Variants in CDH8 observed in about 807,000 individuals in gnomAD.
CDH8 encodes cadherin-8.
CDH8 carries 17 observed loss-of-function variants against 68.1 expected under a neutral mutation model. That is an observed-to-expected ratio of 0.25 (90% CI 0.17 to 0.37). The LOEUF (loss-of-function observed/expected upper bound fraction) is 0.37, where lower values mean the gene tolerates loss of function less well. Among genes scored for constraint, CDH8 ranks in the 10% least tolerant of loss-of-function variants. The probability of loss-of-function intolerance (pLI) is 1.00; values close to 1 mark genes in which losing one functional copy is unlikely to be tolerated. For synonymous variants in CDH8, 372 were observed against 365.1 expected, an observed-to-expected ratio of 1.02 and a Z score of -0.21; for missense variants, 763 against 999.3, an observed-to-expected ratio of 0.76 and a Z score of 3.19.
At chr16:61,801,524 C>T (rs868813299) in intron 7 of CDH8, among the ~76,000 whole-genome samples, 6 of 152,256 alleles carry the variant, frequency 3.9e-5, no homozygotes, top group African/African-American at 1.2e-4. Flanking sequence ...ACGCAGAAGA[C>T]GGGTGATTTC....
chr16:61,929,033 C>T (rs867936140), intron 2 of CDH8, among the ~76,000 whole-genome samples: 3 of 152,050 alleles, frequency 2.0e-5, no homozygotes, highest in Non-Finnish European at 2.9e-5. Context: ...CTCAGCCTCC[C>T]GAGTAGCTGG....
rs565565746 is a variant in CDH8 at position 61,653,870 on chromosome 16, G to A, written c.2138C>T (p.Ala713Val). Residue 713 changes from alanine to valine, a missense_variant, in exon 12 of 12, where the codon GCT becomes GTT. This residue lies in a region of CDH8 where 397 missense variants were observed against 436.2 expected (regional missense o/e 0.91). Coordinates refer to ENST00000577390, the MANE Select transcript of CDH8 (RefSeq NM_001796.5). ...GACATCAACACCATTTGGAACTGGA[G>A]CAAGCCCTTGCCTTGGCATAAACTG... ...DLQFMPRQGL[A>V]PVPNGVDVDE... The A allele has an allele frequency of 1.2e-6, 2 of 1,614,240 alleles. No individual in the cohort carries two copies. The highest frequency in any genetic ancestry group is 1.3e-5 in the African/African-American group (1 of 75,064).
At chr16:61,767,255 T>C (rs1960618401) in intron 8 of CDH8, among the ~76,000 whole-genome samples, 1 of 152,000 alleles carries the variant, frequency 6.6e-6, no homozygotes, top group South Asian at 2.1e-4. Context: ...TCACAGTTTG[T>C]ATCACTAGAA....
intron 10 of CDH8, among the ~76,000 whole-genome samples, chr16:61,660,573 GTCTATACA>G (rs1201359719): frequency 6.6e-6 from 1 of 151,882 alleles, no homozygotes. Context: ...AAAAAAAATA[GTCTATACA>G]TCCAGAAAGC....
At chr16:61,860,044 T>C (rs1446362024) in intron 3 of CDH8, among the ~76,000 whole-genome samples, 1 of 152,170 alleles carries the variant, frequency 6.6e-6, no homozygotes, top group Non-Finnish European at 1.5e-5. Context: ...TTTTTCACCA[T>C]GTTGGCCAGG....
chr16:61,675,594 T>A (rs1389754688), intron 10 of CDH8, among the ~76,000 whole-genome samples: 9 of 126,206 alleles, frequency 7.1e-5, no homozygotes, highest in African/African-American at 2.4e-4. Flanking sequence ...AAACTTAAAG[T>A]ATAATAAAAA....
intron 8 of CDH8, among the ~76,000 whole-genome samples, chr16:61,730,570 T>C (rs1178512079): frequency 6.6e-6 from 1 of 151,610 alleles, no homozygotes; most frequent in East Asian, 1.9e-4. Flanking sequence ...ACCCACTTTT[T>C]ATAGCTGTAA....
intron 5 of CDH8, 145 bp from the exon 6 acceptor site, chr16:61,821,258 G>A (rs1469741209): frequency 1.6e-5 from 9 of 563,836 alleles, no homozygotes; most frequent in South Asian, 3.2e-5. Flanking sequence ...AGAAATATCC[G>A]TTTCCCTTCT....
chr16:61,882,427 G>A (rs991389608), intron 3 of CDH8, among the ~76,000 whole-genome samples: 5 of 152,130 alleles, frequency 3.3e-5, no homozygotes, highest in African/African-American at 9.7e-5. Context: ...AAGAGCCCCC[G>A]CAGTTGTGTT....
intron 4 of CDH8, among the ~76,000 whole-genome samples, chr16:61,854,911 A>G (rs1963013156): frequency 6.6e-6 from 1 of 152,116 alleles, no homozygotes; most frequent in Admixed American, 6.6e-5. Context: ...ACACTCAAGC[A>G]TAATTTTGCA....
chr16:62,000,750 A>C (rs187519203), intron 2 of CDH8, among the ~76,000 whole-genome samples: 1 of 152,330 alleles, frequency 6.6e-6, no homozygotes, highest in Non-Finnish European at 1.5e-5. Flanking sequence ...GCTGTTTCTT[A>C]ATATGGTTGC....
intron 2 of CDH8, among the ~76,000 whole-genome samples, chr16:61,956,868 A>G (rs956410730): frequency 6.6e-6 from 1 of 152,146 alleles, no homozygotes; most frequent in Admixed American, 6.5e-5. Context: ...TTGCATGATT[A>G]CCTGCATTCT....
chr16:61,674,130 A>C (rs562399051), intron 10 of CDH8, among the ~76,000 whole-genome samples: 2 of 152,250 alleles, frequency 1.3e-5, no homozygotes, highest in East Asian at 3.9e-4. Flanking sequence ...AGAAAGATAC[A>C]CCATAAAAGT....
intron 8 of CDH8, among the ~76,000 whole-genome samples, chr16:61,759,385 A>G (rs1260972478): frequency 6.6e-6 from 1 of 151,950 alleles, no homozygotes; most frequent in Non-Finnish European, 1.5e-5. Flanking sequence ...AAGAAGAGGA[A>G]GAGGAAGAGA....
chr16:62,027,946 A>G (rs1230320923), intron 1 of CDH8, among the ~76,000 whole-genome samples: 1 of 152,144 alleles, frequency 6.6e-6, no homozygotes, highest in Non-Finnish European at 1.5e-5. Context: ...TCACTCAGCC[A>G]CAACCCTTCC....
At chr16:61,829,949 C>A (rs1262221499) in intron 4 of CDH8, among the ~76,000 whole-genome samples, 3 of 151,480 alleles carry the variant, frequency 2.0e-5, no homozygotes, top group African/African-American at 7.3e-5. Context: ...TCTTATTTTT[C>A]TTTTTGTGTT....
At chr16:61,808,837 C>G (rs897459654) in intron 7 of CDH8, among the ~76,000 whole-genome samples, 6 of 152,122 alleles carry the variant, frequency 3.9e-5, no homozygotes, top group African/African-American at 1.4e-4. Context: ...CCCAGCACAA[C>G]AATTTCAACT....
intron 8 of CDH8, among the ~76,000 whole-genome samples, chr16:61,771,986 C>T (rs1278236743): frequency 6.6e-6 from 1 of 151,936 alleles, no homozygotes; most frequent in Non-Finnish European, 1.5e-5. Flanking sequence ...GTGGAACAGA[C>T]TTCAGCATCA....
At chr16:61,978,142 T>C (rs1371475792) in intron 2 of CDH8, among the ~76,000 whole-genome samples, 1 of 152,208 alleles carries the variant, frequency 6.6e-6, no homozygotes, top group African/African-American at 2.4e-5. Flanking sequence ...TCTTCTGCTC[T>C]GCTATTAAAA....
Sources: allele counts gnomAD v4.1 joint callset (sites outside exome capture counted in the v4.1 genomes callset), GRCh38; gene constraint gnomAD v4.1.1; regional missense constraint gnomAD v4.1.1; transcripts MANE v1.5; gene names NCBI Gene and HGNC (gene_info 2026-07-23, HGNC 2026-07-21).